KAT2B: variants seen among roughly 807,000 people sequenced by gnomAD.
The protein encoded by KAT2B is lysine acetyltransferase 2B, also known as histone acetyltransferase KAT2B.
In KAT2B, 36 loss-of-function variants were observed where a neutral mutation model predicts 105.9. That is an observed-to-expected ratio of 0.34 (90% CI 0.26 to 0.45). The LOEUF (loss-of-function observed/expected upper bound fraction) is 0.45. KAT2B is among the 20% of genes least tolerant of loss of function. The probability of loss-of-function intolerance (pLI) is 1.00; values close to 1 mark genes in which losing one functional copy is unlikely to be tolerated. For missense variants in KAT2B, 820 were observed against 1,021.6 expected (o/e 0.80, Z 2.69); for synonymous variants, 397 against 377.9 (o/e 1.05, Z -0.59).
rs1000770682 is a variant in KAT2B, at chr3:20,121,178, G to C, written c.1276+1455G>C. ...CAAAAAATTGTAAAAAAAAGAACTC[G>C]ACAAAAGTGATTTAGTAAATAATAT... On this transcript the variant is annotated intron_variant, in intron 8 of 17. Coordinates refer to ENST00000263754, the MANE Select transcript of KAT2B (RefSeq NM_003884.5). 3.9e-5 allele frequency among the ~76,000 whole-genome samples: 6 copies of C among 152,060 alleles called. No individual in the cohort carries two copies. In the East Asian group the frequency reaches 9.6e-4, roughly 24 times the overall value.
At chr3:20,115,034 C>A in intron 7 of KAT2B, 46 bp downstream of exon 7, 1 of 1,192,966 alleles carries the variant, frequency 8.4e-7, no homozygotes, top group Non-Finnish European at 1.3e-6. Context: ...GGGAGGCCAA[C>A]CTGAAGTGTA....
intron 7 of KAT2B, among the ~76,000 whole-genome samples, chr3:20,118,226 A>C (rs986734334): frequency 6.8e-6 from 1 of 146,410 alleles, no homozygotes; most frequent in Non-Finnish European, 1.5e-5. Context: ...TACATATGTA[A>C]ATATGTAAAT....
chr3:20,056,471 G>C (rs554658762), intron 1 of KAT2B, among the ~76,000 whole-genome samples: 2 of 152,236 alleles, frequency 1.3e-5, no homozygotes, highest in African/African-American at 4.8e-5. Flanking sequence ...GCTATTTTGA[G>C]GATAAAATGA....
intron 8 of KAT2B, among the ~76,000 whole-genome samples, chr3:20,121,758 G>A (rs1699314498): frequency 1.3e-5 from 2 of 150,804 alleles, no homozygotes; most frequent in African/African-American, 4.9e-5. Context: ...GTGTGTGTGT[G>A]TGTGTGTGTG....
At chr3:20,109,282 C>CTAGA (rs1400506523) in intron 5 of KAT2B, among the ~76,000 whole-genome samples, 1 of 137,618 alleles carries the variant, frequency 7.3e-6, no homozygotes. Context: ...CCCCTCAGCC[C>CTAGA]CAGATAGATA....
At chr3:20,139,229 T>A (rs964810776) in intron 12 of KAT2B, among the ~76,000 whole-genome samples, 5 of 152,274 alleles carry the variant, frequency 3.3e-5, no homozygotes, top group Non-Finnish European at 5.9e-5. Context: ...TTCTTTTTTT[T>A]TAAAAATGTG....
At position 20,082,718 on chromosome 3, in the gene KAT2B, C is replaced by T. The variant is rs76887694; in HGVS notation, c.430+10259C>T. ...AAGCAAAACCTTAAAGAACTGCCAA[C>T]GTAGATATGGCTTTCTAAAAAGATT... On this transcript the variant is annotated intron_variant, in intron 2 of 17. Coordinates refer to ENST00000263754, the MANE Select transcript of KAT2B (RefSeq NM_003884.5). Among the ~76,000 whole-genome samples, 249 of 152,222 alleles carry T rather than the reference C, an allele frequency of 1.6e-3. 5 individuals carry two copies. In the East Asian group the frequency reaches 0.033, roughly 20 times the overall value.
chr3:20,088,843 A>G (rs540001750), intron 2 of KAT2B, among the ~76,000 whole-genome samples: 42 of 152,198 alleles, frequency 2.8e-4, no homozygotes, highest in African/African-American at 9.6e-4. Flanking sequence ...GCTTTTTCCT[A>G]TGTTTCCTTC....
At chr3:20,135,337 GTTATA>G (rs1433452534) in intron 11 of KAT2B, among the ~76,000 whole-genome samples, 1 of 152,046 alleles carries the variant, frequency 6.6e-6, no homozygotes, top group African/African-American at 2.4e-5. Flanking sequence ...GAAAGGCATT[GTTATA>G]TTAGAAAAAA....
chr3:20,143,747 C>A (rs1699734524), intron 13 of KAT2B, among the ~76,000 whole-genome samples: 1 of 152,146 alleles, frequency 6.6e-6, no homozygotes, highest in Non-Finnish European at 1.5e-5. Flanking sequence ...GTGGGTTTAG[C>A]TGGGGCCATT....
rs1697690800 is a variant in KAT2B at position 20,040,489 on chromosome 3, T to A, written c.12T>A (p.Ala4=). The stretch of plus-strand genomic sequence containing the variant: ...TGCTCCGGGGCGGCATGTCCGAGGC[T>A]GGCGGGGCCGGGCCGGGCGGCTGCG... MSE[A]GGAGPGGCGA... The change falls in exon 1 of 18, where the codon GCT becomes GCA. Residue 4 remains alanine, a synonymous_variant. Coordinates refer to ENST00000263754, the MANE Select transcript of KAT2B (RefSeq NM_003884.5). The A allele has an allele frequency of 9.7e-7, 1 of 1,034,152 alleles. No individual in the cohort carries two copies. Among genetic ancestry groups the A allele is most frequent in the East Asian group, 8.1e-5 (1 of 12,352 alleles). 64.1% of individuals were successfully genotyped at this position (1,034,152 alleles called of 1,614,324 possible).
At chr3:20,113,980 ATTT>A (rs1272127081) in intron 6 of KAT2B, among the ~76,000 whole-genome samples, 1 of 152,158 alleles carries the variant, frequency 6.6e-6, no homozygotes, top group Non-Finnish European at 1.5e-5. Flanking sequence ...ACTCTGAACT[ATTT>A]TTAGTGCTTT....
At chr3:20,073,278 G>C (rs1284551624) in intron 2 of KAT2B, among the ~76,000 whole-genome samples, 1 of 152,090 alleles carries the variant, frequency 6.6e-6, no homozygotes, top group African/African-American at 2.4e-5. Flanking sequence ...TTTGCTGTCC[G>C]TGACTGCAAG....
At chr3:20,151,419 G>T (rs1319530462) in intron 17 of KAT2B, among the ~76,000 whole-genome samples, 1 of 151,772 alleles carries the variant, frequency 6.6e-6, no homozygotes, top group African/African-American at 2.4e-5. Flanking sequence ...CTTATAATTT[G>T]GGATATTGGT....
At chr3:20,057,244 G>A (rs987374216) in intron 1 of KAT2B, among the ~76,000 whole-genome samples, 1 of 152,148 alleles carries the variant, frequency 6.6e-6, no homozygotes, top group Non-Finnish European at 1.5e-5. Context: ...GGGAGTATTG[G>A]GATGGAGGGC....
At chr3:20,047,669 G>C (rs1697838879) in intron 1 of KAT2B, among the ~76,000 whole-genome samples, 1 of 146,872 alleles carries the variant, frequency 6.8e-6, no homozygotes, top group Non-Finnish European at 1.5e-5. Context: ...GTGGAGTGCA[G>C]TGGTGTGATC....
chr3:20,105,534 T>C (rs1215038210), intron 5 of KAT2B, among the ~76,000 whole-genome samples: 1 of 152,070 alleles, frequency 6.6e-6, no homozygotes, highest in Non-Finnish European at 1.5e-5. Context: ...CCAGCAACTT[T>C]GGGAGGCTGA....
Position 20,040,449 on chromosome 3 carries a change from C to G in KAT2B, c.-29C>G, listed in dbSNP as rs1346340269. The G allele has an allele frequency of 4.6e-6, 5 of 1,090,914 alleles. No individual in the cohort carries two copies. The African/African-American group carries it at 8.4e-5, about 18-fold the overall frequency. The allele number at this position is 1,090,914 out of a possible 1,614,324, so 67.6% of individuals were successfully genotyped here. A position where few individuals can be genotyped will look rare whatever the true frequency, so the allele number is the denominator to read the frequency against. ...GGCGGCGGCGGCGGCGCCTGACACT[C>G]GGCGCCTCCTGCCGTGCTCCGGGGC... On this transcript the variant is annotated 5_prime_UTR_variant, in exon 1 of 18. Transcript: ENST00000263754.
rs1699427790 is a variant in KAT2B, at chr3:20,127,506, CAG to C, written c.1710_1711del (p.Glu570AspfsTer10). On this transcript the variant is annotated frameshift_variant, in exon 11 of 18. Transcript: ENST00000263754. LOFTEE classifies it high-confidence loss of function. ...CGTATGTTCCCATCTCAAGGATTCA[CAG>C]AGATTGTCTTCTGTGCTGTAACCTC... 6.2e-7 allele frequency: 1 copy of C among 1,613,608 alleles called. No individual in the cohort carries two copies. The highest frequency in any genetic ancestry group is 8.5e-7 in the Non-Finnish European group (1 of 1,179,524).
Sources: gnomAD v4.1 joint callset for allele counts (sites outside exome capture counted in the v4.1 genomes callset) on GRCh38, gnomAD v4.1.1 for gene constraint, MANE v1.5 for transcripts, NCBI Gene and HGNC (gene_info 2026-07-23, HGNC 2026-07-21) for gene names.